Variants in GALNT13 observed in about 807,000 individuals in gnomAD.
GALNT13 encodes the protein UDP-GalNAc:polypeptide N-acetylgalactosaminyltransferase 13.
GALNT13 carries 28 observed loss-of-function variants against 64.2 expected under a neutral mutation model. That is an observed-to-expected ratio of 0.44 (90% CI 0.32 to 0.60). The LOEUF (loss-of-function observed/expected upper bound fraction) is 0.60, where lower values mean the gene tolerates loss of function less well. GALNT13 is among the 20% of genes least tolerant of loss of function. The pLI is 0.05. For missense variants in GALNT13, 577 were observed against 669.8 expected, an observed-to-expected ratio of 0.86 and a Z score of 1.53; for synonymous variants, 214 against 224.6, an observed-to-expected ratio of 0.95 and a Z score of 0.42.
chr2:153,718,754 T>A, the GALNT13 span, among the ~76,000 whole-genome samples: 3 of 152,202 alleles, frequency 2.0e-5, no homozygotes, highest in African/African-American at 7.2e-5. Flanking sequence ...CATCTATGTG[T>A]TGTTAAGAAC....
At chr2:154,355,534 A>G (rs1465617964) in intron 9 of GALNT13, among the ~76,000 whole-genome samples, 2 of 152,098 alleles carry the variant, frequency 1.3e-5, no homozygotes, top group Admixed American at 6.6e-5. Context: ...TTCTTTTGGC[A>G]TAAAGCACAG....
At chr2:153,202,472 C>CCTGAATACTAAGAT in the GALNT13 span, among the ~76,000 whole-genome samples, 2 of 152,110 alleles carry the variant, frequency 1.3e-5, no homozygotes, top group Non-Finnish European at 2.9e-5. Flanking sequence ...TAGTATAATT[C>CCTGAATACTAAGAT]CTGAATACTA....
chr2:154,343,698 G>A lies in GALNT13; in HGVS notation c.1156+42109G>A, dbSNP rs185454118. On this transcript the variant is annotated intron_variant, in intron 9 of 12. Coordinates refer to ENST00000392825, the MANE Select transcript of GALNT13 (RefSeq NM_052917.4). ...TCTTGAATATGTGATCTCAAATCAT[G>A]GCTGTAACATTGATATATACAGTGA... Among the ~76,000 whole-genome samples, 314 of 152,114 alleles carry A rather than the reference G, an allele frequency of 2.1e-3. 10 individuals carry two copies. Among genetic ancestry groups the A allele is most frequent in the Admixed American group, 0.018 (270 of 15,242 alleles).
chr2:154,327,200 G>T (rs1258931649), intron 9 of GALNT13, among the ~76,000 whole-genome samples: 2 of 151,988 alleles, frequency 1.3e-5, no homozygotes, highest in African/African-American at 4.8e-5. Flanking sequence ...CCTTTGTTCG[G>T]CATTTCTCCT....
At chr2:153,446,836 ACT>A in the GALNT13 span, 2 of 152,104 alleles carry the variant, frequency 1.3e-5, no homozygotes, top group Non-Finnish European at 2.9e-5. Flanking sequence ...AAGCATCAAC[ACT>A]CATTAGGTAA....
chr2:154,436,699 T>G (rs1282485177), intron 11 of GALNT13: 1 of 152,218 alleles, frequency 6.6e-6, no homozygotes. Flanking sequence ...GTTTTTATTT[T>G]ATTCTTCTTA....
At chr2:154,269,748 A>T (rs945784750) in intron 8 of GALNT13, among the ~76,000 whole-genome samples, 2 of 151,184 alleles carry the variant, frequency 1.3e-5, no homozygotes, top group Non-Finnish European at 3.0e-5. Context: ...TTTTTCTGTC[A>T]TCTCGGCCAC....
chr2:153,444,304 T>C, the GALNT13 span, among the ~76,000 whole-genome samples: 2 of 152,210 alleles, frequency 1.3e-5, no homozygotes, highest in East Asian at 3.9e-4. Flanking sequence ...TCTTGTACTT[T>C]GTTAGTCACA....
chr2:153,485,586 G>A, the GALNT13 span, among the ~76,000 whole-genome samples: 5 of 152,126 alleles, frequency 3.3e-5, no homozygotes, highest in African/African-American at 9.7e-5. Flanking sequence ...GGGATTTCAG[G>A]TATCTTTTTC....
chr2:153,301,320 A>G, the GALNT13 span, among the ~76,000 whole-genome samples: 1 of 126,664 alleles, frequency 7.9e-6, no homozygotes, highest in Non-Finnish European at 1.7e-5. Context: ...AAAAAAAAAG[A>G]AAAAAAAAAA....
chr2:153,399,211 T>C, the GALNT13 span, among the ~76,000 whole-genome samples: 1 of 149,310 alleles, frequency 6.7e-6, no homozygotes, highest in African/African-American at 2.5e-5. Context: ...TTTTCTCAGG[T>C]TTGTCAAAGA....
the GALNT13 span, among the ~76,000 whole-genome samples, chr2:153,160,612 C>T: frequency 4.6e-5 from 7 of 152,084 alleles, no homozygotes; most frequent in African/African-American, 1.7e-4. Flanking sequence ...TACTCTGTAA[C>T]TCATGAGAAA....
At chr2:153,785,229 T>G in the GALNT13 span, among the ~76,000 whole-genome samples, 1 of 152,136 alleles carries the variant, frequency 6.6e-6, no homozygotes. Context: ...CTCTAAAAAG[T>G]GACCAGACTG....
At position 154,390,679 on chromosome 2, in the gene GALNT13, AT is replaced by A. The variant is rs567579566; in HGVS notation, c.1157-5311del. Among the ~76,000 whole-genome samples, 6 of 152,226 alleles carry A rather than the reference AT, an allele frequency of 3.9e-5. No homozygotes were observed. The East Asian group carries it at 9.7e-4, about 24-fold the overall frequency. ...TGAAAAGACAGCTTATTTAAAAAAAATAGGAGCCCATAAATTTTATCATTTA... is the reference window on the plus strand; with the variant it reads ...TGAAAAGACAGCTTATTTAAAAAAAAAGGAGCCCATAAATTTTATCATTTA... On this transcript the variant is annotated intron_variant, in intron 9 of 12. Transcript: ENST00000392825.
intron 12 of GALNT13, chr2:154,446,482 G>A: frequency 7.5e-7 from 1 of 1,326,878 alleles, no homozygotes; most frequent in African/African-American, 1.5e-5. Flanking sequence ...TTATCCAGTA[G>A]AAATTGCATG....
At chr2:153,224,200 A>G in the GALNT13 span, among the ~76,000 whole-genome samples, 1 of 152,190 alleles carries the variant, frequency 6.6e-6, no homozygotes, top group Non-Finnish European at 1.5e-5. Flanking sequence ...ATCATAGGTG[A>G]ATAAATACAG....
At chr2:154,096,435 C>T (rs1206947629) in intron 3 of GALNT13, among the ~76,000 whole-genome samples, 1 of 151,956 alleles carries the variant, frequency 6.6e-6, no homozygotes, top group Non-Finnish European at 1.5e-5. Flanking sequence ...ATCTCATGCT[C>T]AGTTAAAAAT....
At chr2:153,421,061 G>A in the GALNT13 span, 1 of 218,492 alleles carries the variant, frequency 4.6e-6, no homozygotes, top group Non-Finnish European at 9.9e-6. Flanking sequence ...CATTACCACG[G>A]TGTAATAGGC....
chr2:153,626,519 G>C, the GALNT13 span, among the ~76,000 whole-genome samples: 12 of 152,196 alleles, frequency 7.9e-5, no homozygotes, highest in East Asian at 2.1e-3. Context: ...TTTCTTCTCT[G>C]AATAGGAACA....
Sources: gnomAD v4.1 joint callset for allele counts (sites outside exome capture counted in the v4.1 genomes callset) on GRCh38, gnomAD v4.1.1 for gene constraint, MANE v1.5 for transcripts, NCBI Gene and HGNC (gene_info 2026-07-23, HGNC 2026-07-21) for gene names.